The following TMEM45A variants were observed in gnomAD, a reference collection of about 807,000 sequenced individuals.
The protein encoded by TMEM45A is transmembrane protein 45A, also known as DNA polymerase-transactivated protein 4.
TMEM45A carries 25 observed loss-of-function variants against 32.0 expected under a neutral mutation model. The observed-to-expected ratio is 0.78, with a 90% confidence interval of 0.57 to 1.09. The LOEUF (loss-of-function observed/expected upper bound fraction) is 1.09, where lower values mean the gene tolerates loss of function less well. Among genes scored for constraint, TMEM45A ranks in the 50% least tolerant of loss-of-function variants. The pLI, the probability that TMEM45A is intolerant of heterozygous loss-of-function variation, is 0.00. For synonymous variants in TMEM45A, 122 were observed against 114.8 expected (o/e 1.06, Z -0.40); for missense variants, 302 against 325.0 (o/e 0.93, Z 0.54).
chr3:100,529,611 G>C (rs887498123), intron 1 of TMEM45A, among the ~76,000 whole-genome samples: 1 of 151,974 alleles, frequency 6.6e-6, no homozygotes, highest in East Asian at 1.9e-4. Context: ...AGATTTCTCA[G>C]GCCAGCCTTT....
intron 1 of TMEM45A, among the ~76,000 whole-genome samples, chr3:100,509,200 C>G (rs1316296806): frequency 6.6e-6 from 1 of 152,114 alleles, no homozygotes; most frequent in African/African-American, 2.4e-5. Flanking sequence ...TATCACTAAT[C>G]ATTAAAGAAC....
intron 1 of TMEM45A, chr3:100,519,102 T>C (rs1705368093): frequency 1.2e-5 from 2 of 164,174 alleles, no homozygotes; most frequent in African/African-American, 4.8e-5. Context: ...GTTTCTGAAG[T>C]TGGGTGGAGG....
chr3:100,574,944 A>T (rs1490865442), intron 5 of TMEM45A, among the ~76,000 whole-genome samples: 1 of 152,214 alleles, frequency 6.6e-6, no homozygotes, highest in African/African-American at 2.4e-5. Flanking sequence ...CTTAAGCAAT[A>T]GCTTAAGTTA....
chr3:100,561,738 A>C (rs1198217290), intron 4 of TMEM45A, among the ~76,000 whole-genome samples: 1 of 152,196 alleles, frequency 6.6e-6, no homozygotes, highest in Non-Finnish European at 1.5e-5. Context: ...CTCACCGCCC[A>C]GGTGCAGGGA....
chr3:100,508,309 C>T (rs148695773), intron 1 of TMEM45A, among the ~76,000 whole-genome samples: 8 of 152,110 alleles, frequency 5.3e-5, no homozygotes, highest in Non-Finnish European at 8.8e-5. Context: ...GGTGCCCTTT[C>T]GAGAGCCCAG....
rs557650144 is a variant in TMEM45A, at chr3:100,551,909, C to A, written c.-3-3300C>A. Among the ~76,000 whole-genome samples the A allele has an allele frequency of 2.0e-5, 3 of 152,272 alleles. No homozygotes were observed. The East Asian group carries it at 5.8e-4, about 29-fold the overall frequency. On this transcript the variant is annotated intron_variant, in intron 1 of 5. Coordinates refer to ENST00000323523, the MANE Select transcript of TMEM45A (RefSeq NM_018004.3). ...GCTCATATTCTTCTTCACAAACCCT[C>A]CACTATTCCCCATTGCCTCCTTATT...
intron 1 of TMEM45A, among the ~76,000 whole-genome samples, chr3:100,533,966 A>T (rs1191738923): frequency 2.0e-5 from 3 of 152,120 alleles, no homozygotes; most frequent in Non-Finnish European, 4.4e-5. Context: ...ACTCAGACTA[A>T]TTGAAGGAGA....
At chr3:100,514,690 A>G (rs1336325760) in intron 1 of TMEM45A, among the ~76,000 whole-genome samples, 4 of 152,312 alleles carry the variant, frequency 2.6e-5, no homozygotes, top group African/African-American at 9.6e-5. Flanking sequence ...TGAACAGGCA[A>G]CCTACAAAAT....
At chr3:100,546,281 A>G (rs183987959) in intron 1 of TMEM45A, among the ~76,000 whole-genome samples, 1 of 152,336 alleles carries the variant, frequency 6.6e-6, no homozygotes, top group Admixed American at 6.5e-5. Context: ...TCTGTGTTGA[A>G]TATCTGACCC....
intron 1 of TMEM45A, among the ~76,000 whole-genome samples, chr3:100,494,028 G>A (rs949244167): frequency 1.3e-5 from 2 of 152,054 alleles, no homozygotes; most frequent in South Asian, 2.1e-4. Context: ...CACTGCACCC[G>A]ACCTTATAAT....
At chr3:100,549,053 G>T (rs1380218022) in intron 1 of TMEM45A, among the ~76,000 whole-genome samples, 3 of 152,060 alleles carry the variant, frequency 2.0e-5, no homozygotes, top group Non-Finnish European at 4.4e-5. Flanking sequence ...TTCGAGACCA[G>T]CCTGGCCAAC....
rs779274823 is a variant in TMEM45A, at chr3:100,555,370, G to A, written c.159G>A (p.Glu53=). The change falls in exon 2 of 6, where the codon GAG becomes GAA. Residue 53 remains glutamate (E), a synonymous_variant. Coordinates refer to ENST00000323523, the MANE Select transcript of TMEM45A (RefSeq NM_018004.3). ...KTLFYRLEIL[E]GITIVGMALT... ...TATTCTATCGATTGGAAATTTTGGA[G>A]GGAATTACAATAGTTGGCATGGCTT... 2 of 1,613,758 alleles carry A rather than the reference G, an allele frequency of 1.2e-6. No individual in the cohort carries two copies. The highest frequency in any genetic ancestry group is 1.3e-5 in the African/African-American group (1 of 74,900).
intron 1 of TMEM45A, among the ~76,000 whole-genome samples, chr3:100,503,486 G>C (rs1708035008): frequency 6.6e-6 from 1 of 152,142 alleles, no homozygotes. Context: ...TCATCCACTT[G>C]GGGCAAGTTT....
chr3:100,510,869 A>G (rs1333605805), intron 1 of TMEM45A, among the ~76,000 whole-genome samples: 1 of 152,264 alleles, frequency 6.6e-6, no homozygotes. Flanking sequence ...AAGAAAGGTT[A>G]TCAGCAGTGG....
intron 1 of TMEM45A, among the ~76,000 whole-genome samples, chr3:100,512,246 T>G (rs1708177980): frequency 6.6e-6 from 1 of 152,154 alleles, no homozygotes; most frequent in African/African-American, 2.4e-5. Flanking sequence ...TCAGCAAATG[T>G]AAAAGAACAG....
intron 2 of TMEM45A, among the ~76,000 whole-genome samples, chr3:100,556,222 C>A (rs1378865312): frequency 6.6e-6 from 1 of 152,206 alleles, no homozygotes; most frequent in Non-Finnish European, 1.5e-5. Context: ...CTCCAGTGAT[C>A]TGCCTGCCTC....
At chr3:100,563,693 T>C (rs183457360) in intron 4 of TMEM45A, among the ~76,000 whole-genome samples, 44 of 152,314 alleles carry the variant, frequency 2.9e-4, no homozygotes, top group Non-Finnish European at 5.6e-4. Context: ...CAATTTTCTC[T>C]CTTGTTATTC....
intron 5 of TMEM45A, chr3:100,573,602 C>T (rs1706618047): frequency 6.6e-6 from 1 of 152,028 alleles, no homozygotes; most frequent in African/African-American, 2.4e-5. Context: ...TTTCCTTCTC[C>T]TGCCTGATTG....
At chr3:100,566,253 A>C (rs1457329518) in intron 4 of TMEM45A, among the ~76,000 whole-genome samples, 1 of 152,148 alleles carries the variant, frequency 6.6e-6, no homozygotes, top group Admixed American at 6.5e-5. Context: ...TTGTTTGAAT[A>C]CCTATTTTTA....
Sources: allele counts gnomAD v4.1 joint callset (sites outside exome capture counted in the v4.1 genomes callset), GRCh38; gene constraint gnomAD v4.1.1; transcripts MANE v1.5; gene names NCBI Gene and HGNC (gene_info 2026-07-23, HGNC 2026-07-21).